Variants in PAPOLG observed in about 807,000 individuals in gnomAD.
PAPOLG encodes the protein poly(A) polymerase gamma.
A neutral mutation model predicts 99.0 loss-of-function variants in PAPOLG; 40 were observed. That is an observed-to-expected ratio of 0.40 (90% CI 0.31 to 0.53). The LOEUF is 0.53. Ranked by LOEUF, PAPOLG falls within the 20% of genes least tolerant of loss-of-function variation. PAPOLG has a pLI of 0.41. For missense variants in PAPOLG, 675 were observed against 884.1 expected (o/e 0.76, Z 3.00); for synonymous variants, 310 against 299.3 (o/e 1.04, Z -0.37).
At chr2:60,756,570 C>A (rs1670347217) in intron 1 of PAPOLG, 75 bp downstream of exon 1, 5 of 1,474,220 alleles carry the variant, frequency 3.4e-6, no homozygotes, top group Admixed American at 4.1e-5. Context: ...GTCCTTGTTT[C>A]CGTTCCCTGT....
chr2:60,772,896 A>G (rs141459670), intron 7 of PAPOLG, among the ~76,000 whole-genome samples: 1 of 151,938 alleles, frequency 6.6e-6, no homozygotes, highest in Non-Finnish European at 1.5e-5. Flanking sequence ...ATTACATACC[A>G]TTATACACCT....
intron 15 of PAPOLG, among the ~76,000 whole-genome samples, chr2:60,788,477 AGT>A (rs1374921218): frequency 2.0e-5 from 3 of 152,086 alleles, no homozygotes; most frequent in Admixed American, 6.6e-5. Flanking sequence ...GCGTGCCACC[AGT>A]CCTGGCTAAT....
intron 8 of PAPOLG, among the ~76,000 whole-genome samples, chr2:60,776,395 A>G (rs1671020447): frequency 6.7e-6 from 1 of 149,162 alleles, no homozygotes; most frequent in East Asian, 2.0e-4. Flanking sequence ...GGATTTTGGG[A>G]ATGTTAAATG....
intron 1 of PAPOLG, among the ~76,000 whole-genome samples, chr2:60,758,133 C>G (rs111941797): frequency 1.1e-3 from 175 of 152,286 alleles, no homozygotes; most frequent in African/African-American, 4.1e-3. Flanking sequence ...GATAATTACT[C>G]TGTCCTATTC....
chr2:60,779,529 C>A lies in PAPOLG; in HGVS notation c.695-108C>A, dbSNP rs940335940. 1.2e-5 allele frequency: 15 copies of A among 1,245,434 alleles called. No homozygotes were observed. The African/African-American group carries it at 1.8e-4, about 15-fold the overall frequency. 77.1% of individuals were successfully genotyped at this position (1,245,434 alleles called of 1,614,324 possible). A position where few individuals can be genotyped will look rare whatever the true frequency, so the allele number is the denominator to read the frequency against. On this transcript the variant is annotated intron_variant, in intron 8 of 21. Coordinates refer to ENST00000238714, the MANE Select transcript of PAPOLG (RefSeq NM_022894.4). ...ACCAACCGTCTTATGAATAAAGTTA[C>A]CTTGTTGAATGTCACGGATATTCAT...
chr2:60,757,835 C>T (rs1670394249), intron 1 of PAPOLG, among the ~76,000 whole-genome samples: 3 of 152,188 alleles, frequency 2.0e-5, no homozygotes, highest in Admixed American at 1.3e-4. Context: ...CTGTTGTTTA[C>T]TTTCCCCTCC....
intron 12 of PAPOLG, 172 bp from the exon 13 acceptor site, chr2:60,782,984 T>C (rs898242868): frequency 2.1e-6 from 1 of 486,142 alleles, no homozygotes; most frequent in Non-Finnish European, 2.7e-6. Flanking sequence ...TTTTTACTTG[T>C]AGGACCTAGA....
intron 3 of PAPOLG, among the ~76,000 whole-genome samples, chr2:60,762,309 A>G (rs1023218574): frequency 6.6e-6 from 1 of 152,076 alleles, no homozygotes; most frequent in Admixed American, 6.5e-5. Context: ...TTTGCAAACT[A>G]ATTTATAACT....
At chr2:60,759,079 C>CT (rs1670444582) in intron 1 of PAPOLG, among the ~76,000 whole-genome samples, 2 of 152,144 alleles carry the variant, frequency 1.3e-5, no homozygotes, top group African/African-American at 4.8e-5. Context: ...AATCTCAGAA[C>CT]TTGAATTGGC....
rs1671042145 is a variant in PAPOLG, at chr2:60,777,050, C to T, written c.694+1927C>T. ...TCAGACTTTTCTTCTGCACCTTCCTCACCTCTCTCAGCCTTCATATGATTG... is the reference window on the plus strand; with the variant it reads ...TCAGACTTTTCTTCTGCACCTTCCTTACCTCTCTCAGCCTTCATATGATTG... On this transcript the variant is annotated intron_variant, in intron 8 of 21. Coordinates refer to ENST00000238714, the MANE Select transcript of PAPOLG (RefSeq NM_022894.4). 2.0e-5 allele frequency among the ~76,000 whole-genome samples: 3 copies of T among 152,192 alleles called. No homozygotes were observed. The South Asian group carries it at 6.2e-4, about 32-fold the overall frequency.
At chr2:60,756,683 C>T (rs2103745667) in intron 1 of PAPOLG, among the ~76,000 whole-genome samples, 188 bp downstream of exon 1, 1 of 152,284 alleles carries the variant, frequency 6.6e-6, no homozygotes, top group East Asian at 1.9e-4. Context: ...CTGGCCACCC[C>T]TGCACGGACT....
intron 13 of PAPOLG, among the ~76,000 whole-genome samples, chr2:60,785,920 A>G (rs1671348386): frequency 6.6e-6 from 1 of 152,112 alleles, no homozygotes; most frequent in Non-Finnish European, 1.5e-5. Flanking sequence ...TCATGCCCTA[A>G]GCCATGACTG....
At chr2:60,794,807 T>C (rs1285762331) in intron 20 of PAPOLG, 32 bp downstream of exon 20, 1 of 1,563,622 alleles carries the variant, frequency 6.4e-7, no homozygotes, top group Admixed American at 1.7e-5. Flanking sequence ...TTCAGAATAT[T>C]TATTGTAAAG....
chr2:60,791,138 G>T (rs1671519959), intron 15 of PAPOLG, among the ~76,000 whole-genome samples: 1 of 152,004 alleles, frequency 6.6e-6, no homozygotes, highest in Non-Finnish European at 1.5e-5. Context: ...TATGAGGAGA[G>T]ATTGCCTTTG....
chr2:60,786,917 A>C, intron 13 of PAPOLG, 30 bp from the exon 14 acceptor site: 1 of 1,593,590 alleles, frequency 6.3e-7, no homozygotes, highest in Non-Finnish European at 8.5e-7. Context: ...AAGTGGACAT[A>C]AGATAAATTG....
intron 11 of PAPOLG, 155 bp from the exon 12 acceptor site, chr2:60,782,531 T>C (rs1023653064): frequency 2.2e-6 from 2 of 894,212 alleles, no homozygotes; most frequent in African/African-American, 3.7e-5. Context: ...CACTCCAGCC[T>C]GGGTGACAGA....
At chr2:60,760,453 G>C (rs935786321) in intron 2 of PAPOLG, among the ~76,000 whole-genome samples, 158 bp downstream of exon 2, 8 of 152,186 alleles carry the variant, frequency 5.3e-5, no homozygotes, top group African/African-American at 1.9e-4. Context: ...GTAGGGGTTA[G>C]AAGAAGAGAT....
intron 3 of PAPOLG, among the ~76,000 whole-genome samples, chr2:60,764,844 G>A (rs181066594): frequency 4.6e-5 from 7 of 152,246 alleles, no homozygotes; most frequent in East Asian, 1.9e-4. Context: ...GACTACAGTC[G>A]TTGAGTTTAA....
In PAPOLG at chr2:60,756,400, T is replaced by G; in HGVS notation, c.-79T>G. 3 of 1,594,608 alleles carry G rather than the reference T, an allele frequency of 1.9e-6. No homozygotes were observed. The highest frequency in any genetic ancestry group is 2.3e-5 in the East Asian group (1 of 44,440). On this transcript the variant is annotated 5_prime_UTR_variant, in exon 1 of 22. Transcript: ENST00000238714. ...CGAGCTACTAGCGACCGGAGGAAAG[T>G]GAACAGGGGGAGAAGGGAACAGCAA...
Sources: allele counts gnomAD v4.1 joint callset (sites outside exome capture counted in the v4.1 genomes callset), GRCh38; gene constraint gnomAD v4.1.1; transcripts MANE v1.5; gene names NCBI Gene and HGNC (gene_info 2026-07-23, HGNC 2026-07-21).